The following EYA2 variants were observed in gnomAD, a reference collection of about 807,000 sequenced individuals.
EYA2 encodes EYA transcriptional coactivator and phosphatase 2, also known as protein phosphatase EYA2.
A neutral mutation model predicts 69.2 loss-of-function variants in EYA2; 31 were observed. The observed-to-expected ratio is 0.45, with a 90% CI of 0.34 to 0.60. The LOEUF is 0.60. EYA2 is among the 20% of genes least tolerant of loss of function. EYA2 has a pLI of 0.02. For synonymous variants in EYA2, 257 were observed against 279.4 expected, an observed-to-expected ratio of 0.92 and a Z score of 0.80; for missense variants, 622 against 701.2, an observed-to-expected ratio of 0.89 and a Z score of 1.28.
intron 1 of EYA2, among the ~76,000 whole-genome samples, chr20:46,988,043 CA>C (rs1453264392): frequency 1.5e-5 from 2 of 131,912 alleles, no homozygotes; most frequent in East Asian, 4.5e-4. Flanking sequence ...TGTTTTAAAA[CA>C]ATGCATATAA....
chr20:47,153,062 A>G (rs539135611), intron 10 of EYA2, among the ~76,000 whole-genome samples: 2 of 151,946 alleles, frequency 1.3e-5, no homozygotes, highest in Non-Finnish European at 2.9e-5. Flanking sequence ...GTCTTGTACA[A>G]AGTGGAATTG....
intron 1 of EYA2, among the ~76,000 whole-genome samples, chr20:46,983,820 G>A (rs1014476624): frequency 1.3e-5 from 2 of 152,084 alleles, no homozygotes; most frequent in African/African-American, 4.8e-5. Context: ...TTATAAACTG[G>A]CAAGTGTCTT....
chr20:47,119,761 C>T (rs2032997132), intron 9 of EYA2, among the ~76,000 whole-genome samples: 1 of 152,118 alleles, frequency 6.6e-6, no homozygotes, highest in Admixed American at 6.5e-5. Context: ...ACATTGTACC[C>T]TAGATTCCAC....
intron 4 of EYA2, among the ~76,000 whole-genome samples, chr20:47,009,934 A>G (rs931941959): frequency 1.3e-5 from 2 of 152,146 alleles, no homozygotes; most frequent in African/African-American, 4.8e-5. Flanking sequence ...TCCACCCAAC[A>G]TTGTGTCTGT....
intron 1 of EYA2, among the ~76,000 whole-genome samples, chr20:46,929,654 G>A (rs534756435): frequency 6.6e-6 from 1 of 152,030 alleles, no homozygotes; most frequent in Non-Finnish European, 1.5e-5. Flanking sequence ...TAAACACTGG[G>A]CCTTGTGCAG....
chr20:46,913,122 G>A (rs1397599920), intron 1 of EYA2, among the ~76,000 whole-genome samples: 1 of 152,202 alleles, frequency 6.6e-6, no homozygotes, highest in East Asian at 1.9e-4. Context: ...TCCCACCATG[G>A]TCACTTACAG....
intron 11 of EYA2, among the ~76,000 whole-genome samples, chr20:47,171,783 C>T (rs956414476): frequency 6.6e-6 from 1 of 152,112 alleles, no homozygotes; most frequent in African/African-American, 2.4e-5. Context: ...TAATGGTGAG[C>T]GTTCACTTTT....
intron 5 of EYA2, chr20:47,071,734 T>C (rs1026088072): frequency 6.0e-6 from 1 of 165,458 alleles, no homozygotes; most frequent in Non-Finnish European, 1.3e-5. Context: ...AGAAATTTGG[T>C]AACCAAAGTC....
Position 47,019,097 on chromosome 20 carries a change from C to T in EYA2, c.415+2800C>T, listed in dbSNP as rs528645786. Among the ~76,000 whole-genome samples, 3 of 152,314 alleles carry T rather than the reference C, an allele frequency of 2.0e-5. No homozygotes were observed. The East Asian group carries it at 5.8e-4, about 29-fold the overall frequency. On this transcript the variant is annotated intron_variant, in intron 5 of 15. Transcript: ENST00000327619. ...CAGTGGGAAATGAGCCAGGCAGTCG[C>T]CCAGGCACATAACCCTCACGCCATC... is the stretch of plus-strand genomic sequence containing the variant.
chr20:46,961,352 T>TAAAAAAAAAAAAAAAAAAAAAAAAA (rs1979467210), intron 1 of EYA2, among the ~76,000 whole-genome samples: 1 of 152,054 alleles, frequency 6.6e-6, no homozygotes, highest in Admixed American at 6.6e-5. Context: ...AAATTTATTT[T>TAAAAAAAAAAAAAAAAAAAAAAAAA]AAAAAATAGA....
chr20:47,073,467 C>T (rs1008344000), intron 6 of EYA2, among the ~76,000 whole-genome samples: 8 of 149,964 alleles, frequency 5.3e-5, no homozygotes, highest in South Asian at 2.1e-4. Context: ...GGTGTGTGTG[C>T]GGTCTTCTAG....
At chr20:47,124,492 G>A (rs2033128868) in intron 9 of EYA2, among the ~76,000 whole-genome samples, 1 of 152,234 alleles carries the variant, frequency 6.6e-6, no homozygotes, top group African/African-American at 2.4e-5. Context: ...AAAGCACGTG[G>A]TGTTGATGGG....
intron 1 of EYA2, among the ~76,000 whole-genome samples, chr20:46,903,383 A>G (rs1984205434): frequency 6.6e-6 from 1 of 152,204 alleles, no homozygotes; most frequent in South Asian, 2.1e-4. Flanking sequence ...CACTAGGCAT[A>G]TAGGACTTAC....
At chr20:47,147,886 C>T (rs1443585895) in intron 10 of EYA2, among the ~76,000 whole-genome samples, 1 of 151,964 alleles carries the variant, frequency 6.6e-6, no homozygotes, top group African/African-American at 2.4e-5. Flanking sequence ...TGGTGAAACC[C>T]CGTCTTTACT....
chr20:47,019,149 T>C (rs997942912), intron 5 of EYA2, among the ~76,000 whole-genome samples: 8 of 152,144 alleles, frequency 5.3e-5, no homozygotes, highest in African/African-American at 1.2e-4. Context: ...CTTAGATCCA[T>C]CTAGAAGGTG....
intron 10 of EYA2, among the ~76,000 whole-genome samples, chr20:47,158,253 G>A (rs1484698976): frequency 1.3e-5 from 2 of 151,926 alleles, no homozygotes; most frequent in Non-Finnish European, 2.9e-5. Context: ...AGTGGCTCAC[G>A]CCTGTAATTT....
intron 1 of EYA2, among the ~76,000 whole-genome samples, chr20:46,983,593 G>A (rs1247801882): frequency 6.6e-6 from 1 of 151,788 alleles, no homozygotes; most frequent in Admixed American, 6.6e-5. Flanking sequence ...CTTTTTGCTT[G>A]GTTTCTCTGC....
At chr20:47,130,477 G>C (rs2033315474) in intron 9 of EYA2, among the ~76,000 whole-genome samples, 1 of 151,710 alleles carries the variant, frequency 6.6e-6, no homozygotes, top group African/African-American at 2.4e-5. Flanking sequence ...ATGTCAGCCA[G>C]GATGGTCTCG....
intron 4 of EYA2, among the ~76,000 whole-genome samples, 179 bp downstream of exon 4, chr20:47,005,263 A>G (rs944904150): frequency 1.3e-5 from 2 of 152,230 alleles, no homozygotes; most frequent in Admixed American, 6.5e-5. Context: ...CTATAATATC[A>G]AGATCCCTTT....
Sources: allele counts gnomAD v4.1 joint callset (sites outside exome capture counted in the v4.1 genomes callset), GRCh38; gene constraint gnomAD v4.1.1; transcripts MANE v1.5; gene names NCBI Gene and HGNC (gene_info 2026-07-23, HGNC 2026-07-21).